DLGAP1: variants seen among roughly 807,000 people sequenced by gnomAD.
DLGAP1 encodes the protein disks large-associated protein 1.
Under a neutral mutation model 90.8 loss-of-function variants are expected in DLGAP1, and 11 were observed. The ratio of observed to expected loss-of-function variants is 0.12; its 90% CI spans 0.08 to 0.20. DLGAP1 has a LOEUF of 0.20. Ranked by LOEUF, DLGAP1 falls within the 10% of genes least tolerant of loss-of-function variation. DLGAP1 has a pLI of 1.00. For synonymous variants in DLGAP1, 558 were observed against 540.7 expected, an observed-to-expected ratio of 1.03 and a Z score of -0.44; for missense variants, 1,050 against 1,333.8, an observed-to-expected ratio of 0.79 and a Z score of 3.31.
intron 1 of DLGAP1, among the ~76,000 whole-genome samples, chr18:4,370,665 A>G (rs897240233): frequency 6.6e-6 from 1 of 152,106 alleles, no homozygotes; most frequent in African/African-American, 2.4e-5. Flanking sequence ...GATTCTGAGG[A>G]AGAGAGAGGA....
chr18:4,333,993 C>T (rs1004229830), intron 1 of DLGAP1, among the ~76,000 whole-genome samples: 3 of 151,498 alleles, frequency 2.0e-5, no homozygotes, highest in Admixed American at 6.6e-5. Context: ...AATCCCAGCA[C>T]TTTGGGAGGC....
chr18:3,821,336 CATA>C (rs1178454408), intron 4 of DLGAP1, among the ~76,000 whole-genome samples: 2 of 141,520 alleles, frequency 1.4e-5, no homozygotes, highest in East Asian at 4.3e-4. Context: ...TGCCCAAGGT[CATA>C]ATAATTGGTA....
At chr18:4,193,406 C>G (rs150243140) in intron 1 of DLGAP1, among the ~76,000 whole-genome samples, 1 of 151,862 alleles carries the variant, frequency 6.6e-6, no homozygotes, top group Non-Finnish European at 1.5e-5. Flanking sequence ...CCAAATAGAA[C>G]GGCCTAGAGA....
At chr18:3,984,851 G>A (rs1568334677) in intron 3 of DLGAP1, among the ~76,000 whole-genome samples, 1 of 151,894 alleles carries the variant, frequency 6.6e-6, no homozygotes, top group Non-Finnish European at 1.5e-5. Flanking sequence ...AGCTCAGCCG[G>A]TTCTGAAGGC....
chr18:3,751,558 ATTTTTT>A (rs71160916), intron 5 of DLGAP1, among the ~76,000 whole-genome samples: 1 of 117,868 alleles, frequency 8.5e-6, no homozygotes, highest in African/African-American at 3.2e-5. Flanking sequence ...ACCCGACAAA[ATTTTTT>A]TTTTTTTTTT....
intron 1 of DLGAP1, among the ~76,000 whole-genome samples, chr18:4,317,348 T>C (rs1038649170): frequency 2.0e-5 from 3 of 152,216 alleles, no homozygotes; most frequent in African/African-American, 7.2e-5. Context: ...GCTGGACTTG[T>C]AACATGTTTG....
intron 7 of DLGAP1, among the ~76,000 whole-genome samples, chr18:3,683,641 A>G (rs1003479670): frequency 2.0e-5 from 3 of 152,226 alleles, no homozygotes; most frequent in African/African-American, 7.2e-5. Flanking sequence ...AGCAGTAATG[A>G]GGCTCAGACA....
At chr18:4,177,558 C>T (rs1412503852) in intron 1 of DLGAP1, among the ~76,000 whole-genome samples, 2 of 152,148 alleles carry the variant, frequency 1.3e-5, no homozygotes, top group Non-Finnish European at 2.9e-5. Flanking sequence ...CAGATAATTT[C>T]ATCACCTAGG....
At chr18:3,771,932 T>G (rs1354212598) in intron 5 of DLGAP1, among the ~76,000 whole-genome samples, 1 of 152,184 alleles carries the variant, frequency 6.6e-6, no homozygotes, top group African/African-American at 2.4e-5. Context: ...TCCCGGTCCC[T>G]TCTGAGTTCG....
chr18:4,218,645 A>G (rs1188299690), intron 1 of DLGAP1, among the ~76,000 whole-genome samples: 1 of 152,000 alleles, frequency 6.6e-6, no homozygotes, highest in African/African-American at 2.4e-5. Context: ...AGCTTCTGAT[A>G]GTCATCATTC....
intron 1 of DLGAP1, chr18:4,294,634 T>C (rs1598835570): frequency 6.6e-6 from 1 of 152,304 alleles, no homozygotes. Context: ...TGTTACAGTG[T>C]GCTCTTCTAG....
chr18:4,101,346 T>C (rs1462663990), intron 2 of DLGAP1, among the ~76,000 whole-genome samples: 1 of 152,136 alleles, frequency 6.6e-6, no homozygotes, highest in Admixed American at 6.6e-5. Context: ...ACACACACAC[T>C]TATTGATTAA....
At chr18:3,919,690 T>C (rs1037416073) in intron 3 of DLGAP1, among the ~76,000 whole-genome samples, 21 of 152,242 alleles carry the variant, frequency 1.4e-4, no homozygotes, top group African/African-American at 5.1e-4. Context: ...CTGTGCTAAG[T>C]AAAGTGCTTC....
chr18:4,002,661 A>G (rs1037494237), intron 3 of DLGAP1, among the ~76,000 whole-genome samples: 4 of 152,198 alleles, frequency 2.6e-5, no homozygotes, highest in African/African-American at 9.6e-5. Flanking sequence ...CTTCCAGTCA[A>G]TAGTAGATTA....
intron 1 of DLGAP1, among the ~76,000 whole-genome samples, chr18:4,241,582 C>A (rs1010025215): frequency 6.6e-6 from 1 of 152,106 alleles, no homozygotes; most frequent in African/African-American, 2.4e-5. Context: ...AGAGATAAAT[C>A]TTAGTTACAT....
At chr18:4,046,619 A>G (rs2075058283) in intron 2 of DLGAP1, among the ~76,000 whole-genome samples, 1 of 152,236 alleles carries the variant, frequency 6.6e-6, no homozygotes, top group African/African-American at 2.4e-5. Flanking sequence ...TTATCTCCTT[A>G]GGTCTCTGGC....
intron 7 of DLGAP1, among the ~76,000 whole-genome samples, chr18:3,678,720 T>C (rs1329365457): frequency 6.6e-6 from 1 of 152,226 alleles, no homozygotes; most frequent in Non-Finnish European, 1.5e-5. Flanking sequence ...TCTCAAATTT[T>C]ATAGAAATGC....
chr18:3,870,541 A>G (rs896500658), intron 4 of DLGAP1, among the ~76,000 whole-genome samples: 8 of 152,112 alleles, frequency 5.3e-5, no homozygotes, highest in South Asian at 2.1e-4. Flanking sequence ...ATTTGGTCCC[A>G]TGGTCCCATT....
rs60761325 is a variant in DLGAP1 at position 4,079,713 on chromosome 18, T to TAA, written c.-159+71465_-159+71466dup. Among the ~76,000 whole-genome samples the TAA allele has an allele frequency of 2.5e-3, 339 of 134,656 alleles. 8 individuals carry two copies. In the East Asian group the frequency reaches 0.046, roughly 18 times the overall value. 88.3% of individuals were successfully genotyped at this position (134,656 alleles called of 152,430 possible). On this transcript the variant is annotated intron_variant, in intron 2 of 12. Transcript: ENST00000315677. Reference sequence around the variant, plus strand: ...TTAAATATATATATATATATATATATAAAAGAAAATCAGTGTGTGTATGTG... The same window carrying TAA: ...TTAAATATATATATATATATATATATAAAAAAGAAAATCAGTGTGTGTATGTG...
Sources: gnomAD v4.1 joint callset for allele counts (sites outside exome capture counted in the v4.1 genomes callset) on GRCh38, gnomAD v4.1.1 for gene constraint, MANE v1.5 for transcripts, NCBI Gene and HGNC (gene_info 2026-07-23, HGNC 2026-07-21) for gene names.